The following HMCN1 variants were observed in gnomAD, a reference collection of about 807,000 sequenced individuals.
HMCN1 encodes hemicentin 1.
In HMCN1, 321 loss-of-function variants were observed where a neutral mutation model predicts 625.9. That is an observed-to-expected ratio of 0.51 (90% confidence interval 0.47 to 0.56). The LOEUF is 0.56. Among genes scored for constraint, HMCN1 ranks in the 20% least tolerant of loss-of-function variants. The pLI is 0.00. For synonymous variants in HMCN1, 2,425 were observed against 2,417.6 expected (o/e 1.00, Z -0.09); for missense variants, 6,588 against 6,887.3 (o/e 0.96, Z 1.54).
At chr1:186,012,473 A>G (rs1654067018) in intron 30 of HMCN1, among the ~76,000 whole-genome samples, 1 of 151,930 alleles carries the variant, frequency 6.6e-6, no homozygotes, top group Non-Finnish European at 1.5e-5. Context: ...ACATCTGTCA[A>G]CTTGTCAAAA....
chr1:185,983,334 G>T (rs1342099874), intron 18 of HMCN1, among the ~76,000 whole-genome samples: 1 of 152,054 alleles, frequency 6.6e-6, no homozygotes, highest in Non-Finnish European at 1.5e-5. Flanking sequence ...CTGATTAGAA[G>T]TGAATATGCT....
intron 4 of HMCN1, among the ~76,000 whole-genome samples, chr1:185,888,789 C>A (rs993133905): frequency 4.2e-5 from 6 of 144,240 alleles, no homozygotes; most frequent in African/African-American, 1.1e-4. Context: ...CTTGGCGATG[C>A]GGGCTCTTTT....
intron 2 of HMCN1, among the ~76,000 whole-genome samples, chr1:185,850,818 G>T (rs1050556937): frequency 1.3e-5 from 2 of 151,556 alleles, no homozygotes; most frequent in Non-Finnish European, 2.9e-5. Context: ...GGATCCAAAA[G>T]GATGCTTAAT....
Position 186,189,904 on chromosome 1 carries a change from T to C in HMCN1, c.*26T>C. 6.2e-7 allele frequency: 1 copy of C among 1,611,570 alleles called. No individual in the cohort carries two copies. The highest frequency in any genetic ancestry group is 8.5e-7 in the Non-Finnish European group (1 of 1,179,154). ...GGAACTCTCCAAAGCCTATTCCACA[T>C]ATTTAAACCGCATTAATCATGGCAA... On this transcript the variant is annotated 3_prime_UTR_variant, in exon 107 of 107. Coordinates refer to ENST00000271588, the MANE Select transcript of HMCN1 (RefSeq NM_031935.3).
intron 100 of HMCN1, 121 bp downstream of exon 100, chr1:186,167,063 G>A (rs545048421): frequency 3.0e-4 from 373 of 1,231,360 alleles, no homozygotes; most frequent in Middle Eastern, 1.1e-3. Context: ...AAAAGGGAGA[G>A]AATGAGGAGA....
intron 1 of HMCN1, among the ~76,000 whole-genome samples, chr1:185,737,317 A>G (rs1207886872): frequency 6.6e-6 from 1 of 151,776 alleles, no homozygotes; most frequent in African/African-American, 2.4e-5. Context: ...ACATCTGACT[A>G]ATTATTTTTT....
At chr1:185,750,881 T>C (rs1452716538) in intron 1 of HMCN1, among the ~76,000 whole-genome samples, 1 of 152,058 alleles carries the variant, frequency 6.6e-6, no homozygotes, top group South Asian at 2.1e-4. Flanking sequence ...ATTGCATCTC[T>C]CTTTCTCTGT....
At chr1:185,778,399 A>G (rs2102164709) in intron 1 of HMCN1, among the ~76,000 whole-genome samples, 1 of 150,776 alleles carries the variant, frequency 6.6e-6, no homozygotes, top group African/African-American at 2.4e-5. Context: ...CACAACATGC[A>G]GGTTTGTTAC....
intron 1 of HMCN1, among the ~76,000 whole-genome samples, chr1:185,763,033 G>C (rs1050001019): frequency 1.3e-5 from 2 of 152,160 alleles, no homozygotes; most frequent in South Asian, 2.1e-4. Context: ...GAAGAACGGA[G>C]ATCTGTCCTC....
chr1:186,034,836 C>T (rs1208653016), intron 36 of HMCN1, among the ~76,000 whole-genome samples: 1 of 152,062 alleles, frequency 6.6e-6, no homozygotes, highest in African/African-American at 2.4e-5. Context: ...ATGTTTCCAA[C>T]ATTTTTGTTT....
At chr1:186,016,872 C>T in intron 32 of HMCN1, 91 bp from the exon 33 acceptor site, 1 of 782,850 alleles carries the variant, frequency 1.3e-6, no homozygotes. Flanking sequence ...ACCTATCAAT[C>T]TTCTGAACTG....
chr1:185,880,934 G>A (rs368478857), intron 4 of HMCN1, among the ~76,000 whole-genome samples: 25 of 152,318 alleles, frequency 1.6e-4, no homozygotes, highest in African/African-American at 4.1e-4. Context: ...GGGAGGGAGC[G>A]CGCAGGTGAG....
rs149446112 is a variant in HMCN1, at chr1:186,128,131, T to C, written c.12744T>C (p.Asp4248=). The C allele has an allele frequency of 5.6e-6, 9 of 1,613,624 alleles. No homozygotes were observed. Among genetic ancestry groups the C allele is most frequent in the African/African-American group, 5.3e-5 (4 of 74,898 alleles). ...TCVANNAAGE[D]THTVSLTVHV... is the part of the protein sequence containing the mutation. ...TTGCTAACAATGCTGCAGGTGAAGA[T>C]ACACACACTGTCAGCCTGACTGTGC... is the stretch of plus-strand genomic sequence containing the variant. Residue 4248 remains aspartate (D), a synonymous_variant, in exon 83 of 107, where the codon GAT becomes GAC. Transcript: ENST00000271588.
Position 186,001,422 on chromosome 1 carries a change from T to A in HMCN1, c.4194T>A (p.Asn1398Lys), listed in dbSNP as rs140148735. The part of the protein sequence containing the change: ...PSPIIMWYKD[N>K]VQVTESSTIQ... ...CCATCATTATGTGGTATAAAGATAA[T>A]GTCCAGGTAAATAGAGTCATCCAAA... The change falls in exon 27 of 107, where the codon AAT (asparagine) becomes AAA (lysine). Residue 1398 changes from asparagine to lysine, a missense_variant. Asn to Lys is a moderately conservative substitution (Grantham distance 94). This residue lies in a region of HMCN1 where 4,628 missense variants were observed against 4,853.1 expected (regional missense o/e 0.95). Coordinates refer to ENST00000271588, the MANE Select transcript of HMCN1 (RefSeq NM_031935.3). 6.2e-7 allele frequency: 1 copy of A among 1,612,756 alleles called. No individual in the cohort carries two copies. Among genetic ancestry groups the A allele is most frequent in the Non-Finnish European group, 8.5e-7 (1 of 1,179,006 alleles).
chr1:186,043,348 A>T (rs1266231661), intron 40 of HMCN1, among the ~76,000 whole-genome samples: 1 of 152,156 alleles, frequency 6.6e-6, no homozygotes, highest in Non-Finnish European at 1.5e-5. Context: ...AGAAAAAAAA[A>T]TACATGTTTT....
At chr1:185,919,487 A>G (rs73062176) in intron 6 of HMCN1, among the ~76,000 whole-genome samples, 4,773 of 152,274 alleles carry the variant, frequency 0.031, 262 homozygotes, top group African/African-American at 0.11. Flanking sequence ...TTTGGGGGCT[A>G]TGTCAGAAAG....
intron 1 of HMCN1, among the ~76,000 whole-genome samples, chr1:185,761,185 A>G (rs991763863): frequency 2.0e-5 from 3 of 152,050 alleles, no homozygotes; most frequent in Non-Finnish European, 4.4e-5. Context: ...GGACAAAGGT[A>G]ACATGTTCAA....
chr1:185,893,191 G>C (rs1421212146), intron 4 of HMCN1, among the ~76,000 whole-genome samples: 1 of 152,224 alleles, frequency 6.6e-6, no homozygotes, highest in Non-Finnish European at 1.5e-5. Context: ...CCTGCACCCA[G>C]TGACCTGTGC....
At chr1:185,893,970 C>T (rs184703166) in intron 4 of HMCN1, among the ~76,000 whole-genome samples, 40 of 151,888 alleles carry the variant, frequency 2.6e-4, no homozygotes, top group Non-Finnish European at 5.2e-4. Context: ...CATCAAAAAA[C>T]ATAGATTACA....
Sources: gnomAD v4.1 joint callset for allele counts (sites outside exome capture counted in the v4.1 genomes callset) on GRCh38, gnomAD v4.1.1 for gene constraint, gnomAD v4.1.1 regional missense constraint, MANE v1.5 for transcripts, NCBI Gene and HGNC (gene_info 2026-07-23, HGNC 2026-07-21) for gene names.